The following SSBP2 variants were observed in gnomAD, a reference collection of about 807,000 sequenced individuals.
SSBP2 encodes single-stranded DNA-binding protein 2.
In SSBP2, 17 loss-of-function variants were observed where a neutral mutation model predicts 61.8. That is an observed-to-expected ratio of 0.28 (90% CI 0.19 to 0.41). The LOEUF (loss-of-function observed/expected upper bound fraction) is 0.41, where lower values mean the gene tolerates loss of function less well. Among genes scored for constraint, SSBP2 ranks in the 10% least tolerant of loss-of-function variants. SSBP2 has a pLI of 1.00. For synonymous variants in SSBP2, 139 were observed against 141.3 expected, an observed-to-expected ratio of 0.98 and a Z score of 0.12; for missense variants, 310 against 458.7, an observed-to-expected ratio of 0.68 and a Z score of 2.96.
chr5:81,707,356 T>C (rs1754467161), intron 1 of SSBP2, among the ~76,000 whole-genome samples: 1 of 152,092 alleles, frequency 6.6e-6, no homozygotes, highest in Non-Finnish European at 1.5e-5. Context: ...GATGAGGTCA[T>C]ATAGGAGTAG....
At chr5:81,658,100 A>G (rs1396694000) in intron 1 of SSBP2, among the ~76,000 whole-genome samples, 1 of 152,148 alleles carries the variant, frequency 6.6e-6, no homozygotes, top group African/African-American at 2.4e-5. Context: ...TCAAATATAT[A>G]AAACATTGTT....
At chr5:81,566,552 A>G (rs1160653137) in intron 4 of SSBP2, among the ~76,000 whole-genome samples, 1 of 152,164 alleles carries the variant, frequency 6.6e-6, no homozygotes, top group East Asian at 1.9e-4. Flanking sequence ...TTTCTCTTGT[A>G]AATTGCCCAG....
At chr5:81,737,876 C>CA (rs1468888232) in intron 1 of SSBP2, among the ~76,000 whole-genome samples, 1 of 151,942 alleles carries the variant, frequency 6.6e-6, no homozygotes, top group African/African-American at 2.4e-5. Flanking sequence ...CTTCCATTCT[C>CA]AAAACTCCCT....
At chr5:81,526,913 G>C (rs777566961) in intron 4 of SSBP2, among the ~76,000 whole-genome samples, 1 of 151,724 alleles carries the variant, frequency 6.6e-6, no homozygotes, top group Non-Finnish European at 1.5e-5. Context: ...TTCAGGCTGA[G>C]ACCTGAAGAA....
At chr5:81,734,392 G>T (rs1348416383) in intron 1 of SSBP2, among the ~76,000 whole-genome samples, 2 of 152,108 alleles carry the variant, frequency 1.3e-5, no homozygotes, top group African/African-American at 4.8e-5. Flanking sequence ...AATTTCTCAG[G>T]TATATTCTAA....
intron 4 of SSBP2, among the ~76,000 whole-genome samples, chr5:81,585,852 C>G (rs553440695): frequency 3.9e-5 from 6 of 152,258 alleles, no homozygotes; most frequent in African/African-American, 1.2e-4. Flanking sequence ...ATTCTACTCT[C>G]CATTTCTATG....
intron 15 of SSBP2, among the ~76,000 whole-genome samples, chr5:81,432,151 CA>C (rs1164122058): frequency 3.9e-5 from 6 of 152,134 alleles, no homozygotes; most frequent in Non-Finnish European, 7.4e-5. Context: ...CCTCAAAGAA[CA>C]AACTGTCAGT....
At chr5:81,600,634 G>A (rs770100758) in intron 4 of SSBP2, among the ~76,000 whole-genome samples, 5 of 150,592 alleles carry the variant, frequency 3.3e-5, no homozygotes, top group African/African-American at 9.7e-5. Flanking sequence ...TAATTCTGGC[G>A]TTGTGATAAA....
chr5:81,692,358 C>A (rs916237903), intron 1 of SSBP2, among the ~76,000 whole-genome samples: 13 of 151,280 alleles, frequency 8.6e-5, no homozygotes, highest in African/African-American at 3.2e-4. Flanking sequence ...TTGAAGAGGA[C>A]AACAAAAAAA....
chr5:81,431,067 A>G (rs1164941989), intron 15 of SSBP2, among the ~76,000 whole-genome samples: 1 of 152,186 alleles, frequency 6.6e-6, no homozygotes, highest in Non-Finnish European at 1.5e-5. Flanking sequence ...AGCGGTACCA[A>G]AAACCATCCC....
intron 1 of SSBP2, among the ~76,000 whole-genome samples, chr5:81,744,232 A>C (rs1357960666): frequency 6.6e-6 from 1 of 152,232 alleles, no homozygotes; most frequent in Non-Finnish European, 1.5e-5. Context: ...GTTATTTTAC[A>C]AAAAATATTC....
intron 3 of SSBP2, among the ~76,000 whole-genome samples, chr5:81,622,222 T>C (rs1746663031): frequency 6.6e-6 from 1 of 152,084 alleles, no homozygotes; most frequent in Admixed American, 6.6e-5. Flanking sequence ...TTATGCTCCT[T>C]ACAAAACATA....
intron 3 of SSBP2, among the ~76,000 whole-genome samples, chr5:81,623,265 CA>C (rs1267153937): frequency 6.6e-6 from 1 of 151,710 alleles, no homozygotes; most frequent in African/African-American, 2.4e-5. Flanking sequence ...AATTTCCACT[CA>C]AGTAACAGAA....
intron 4 of SSBP2, among the ~76,000 whole-genome samples, chr5:81,551,591 A>G (rs1451936550): frequency 1.3e-5 from 2 of 152,184 alleles, no homozygotes; most frequent in Non-Finnish European, 1.5e-5. Context: ...ATTTATTAAA[A>G]TAAAAGTATT....
At chr5:81,420,692 T>C (rs1020683463) in intron 16 of SSBP2, among the ~76,000 whole-genome samples, 159 bp from the exon 17 acceptor site, 1 of 152,204 alleles carries the variant, frequency 6.6e-6, no homozygotes, top group Non-Finnish European at 1.5e-5. Flanking sequence ...ATAAAAAAAG[T>C]AAAATGATAC....
chr5:81,604,880 GGATGA>G (rs1473087422), intron 4 of SSBP2, among the ~76,000 whole-genome samples: 1 of 151,868 alleles, frequency 6.6e-6, no homozygotes, highest in Non-Finnish European at 1.5e-5. Context: ...AGGCACTAAG[GGATGA>G]GATAATTTTA....
intron 4 of SSBP2, among the ~76,000 whole-genome samples, chr5:81,564,761 A>G (rs545457083): frequency 2.6e-5 from 4 of 152,332 alleles, no homozygotes; most frequent in Admixed American, 2.0e-4. Context: ...AAGCTGCGCT[A>G]AAGAACGGGT....
chr5:81,535,820 A>T (rs1330430854), intron 4 of SSBP2, among the ~76,000 whole-genome samples: 2 of 152,096 alleles, frequency 1.3e-5, no homozygotes, highest in African/African-American at 4.8e-5. Context: ...CTAGATAATA[A>T]CATATAATAA....
At chr5:81,629,953 T>C (rs1747545339) in intron 3 of SSBP2, among the ~76,000 whole-genome samples, 1 of 152,226 alleles carries the variant, frequency 6.6e-6, no homozygotes, top group African/African-American at 2.4e-5. Context: ...TACTTTTAAA[T>C]TGTTTATCTT....
Sources: allele counts gnomAD v4.1 joint callset (sites outside exome capture counted in the v4.1 genomes callset), GRCh38; gene constraint gnomAD v4.1.1; transcripts MANE v1.5; gene names NCBI Gene and HGNC (gene_info 2026-07-23, HGNC 2026-07-21).